Variants in NEGR1 observed in about 807,000 individuals in gnomAD.
NEGR1 encodes the protein neuronal growth regulator 1, also known as IgLON family member 4.
Under a neutral mutation model 40.9 loss-of-function variants are expected in NEGR1, and 10 were observed. The ratio of observed to expected loss-of-function variants is 0.24; its 90% CI spans 0.15 to 0.42. The LOEUF (loss-of-function observed/expected upper bound fraction) is 0.42, where lower values mean the gene tolerates loss of function less well. Among genes scored for constraint, NEGR1 ranks in the 10% least tolerant of loss-of-function variants. The pLI is 1.00. For missense variants in NEGR1, 352 were observed against 438.9 expected (o/e 0.80, Z 1.77); for synonymous variants, 185 against 166.8 (o/e 1.11, Z -0.84).
At chr1:72,171,355 T>C (rs1651957846) in intron 1 of NEGR1, among the ~76,000 whole-genome samples, 1 of 152,174 alleles carries the variant, frequency 6.6e-6, no homozygotes, top group Admixed American at 6.5e-5. Context: ...CAGACGCTCA[T>C]GGTGTAAGAG....
intron 4 of NEGR1, among the ~76,000 whole-genome samples, chr1:71,663,302 C>T (rs7538638): frequency 0.5 from 75,252 of 151,854 alleles, 18,683 homozygotes; most frequent in Middle Eastern, 0.56. Context: ...CTTGAAATAG[C>T]ATATTATTGC....
chr1:71,777,420 C>T (rs1656551507), intron 2 of NEGR1, among the ~76,000 whole-genome samples: 1 of 152,038 alleles, frequency 6.6e-6, no homozygotes, highest in Admixed American at 6.6e-5. Context: ...TTTAGTAGTG[C>T]TCTTTTCCTA....
At chr1:71,560,850 C>A (rs2101480290) in intron 6 of NEGR1, among the ~76,000 whole-genome samples, 1 of 151,448 alleles carries the variant, frequency 6.6e-6, no homozygotes, top group African/African-American at 2.4e-5. Context: ...TGCCTTCTAT[C>A]CCTCTGAAGG....
intron 1 of NEGR1, among the ~76,000 whole-genome samples, chr1:72,145,970 A>T (rs1201562150): frequency 2.0e-5 from 3 of 152,104 alleles, no homozygotes; most frequent in Non-Finnish European, 2.9e-5. Context: ...GTTAAAGGAC[A>T]TTATTGAGCA....
Position 71,940,021 on chromosome 1 carries a change from A to C in NEGR1, c.177-4710T>G, listed in dbSNP as rs551945458. ...GCTAGTATTTTTAGAGTCAGGCAGC[A>C]GCAAGTCAGGGGGACTACCTGTTTA... On this transcript the variant is annotated intron_variant, in intron 1 of 6. Transcript: ENST00000357731. Among the ~76,000 whole-genome samples the C allele has an allele frequency of 5.9e-5, 9 of 152,118 alleles. No individual in the cohort carries two copies. In the South Asian group the frequency reaches 1.0e-3, roughly 18 times the overall value.
intron 3 of NEGR1, among the ~76,000 whole-genome samples, chr1:71,705,143 G>A (rs896538862): frequency 1.3e-5 from 2 of 152,006 alleles, no homozygotes; most frequent in Non-Finnish European, 2.9e-5. Context: ...AATAACATCT[G>A]ACCTCATGCT....
chr1:71,861,703 G>T (rs1173514843), intron 2 of NEGR1, among the ~76,000 whole-genome samples: 1 of 152,040 alleles, frequency 6.6e-6, no homozygotes, highest in Non-Finnish European at 1.5e-5. Flanking sequence ...ATTAATTTTG[G>T]ATTATTACAG....
intron 2 of NEGR1, among the ~76,000 whole-genome samples, chr1:71,843,515 G>A (rs548184112): frequency 6.6e-6 from 1 of 152,210 alleles, no homozygotes; most frequent in South Asian, 2.1e-4. Flanking sequence ...GGTTGTCAAA[G>A]GCCAGGTCTG....
chr1:71,454,443 A>AT (rs201608503), intron 6 of NEGR1, among the ~76,000 whole-genome samples: 3,130 of 150,596 alleles, frequency 0.021, 52 homozygotes, highest in Admixed American at 0.036. Context: ...CTACTGTGAC[A>AT]TTTTTTTTTC....
intron 1 of NEGR1, among the ~76,000 whole-genome samples, chr1:71,997,276 C>G (rs1157326674): frequency 6.6e-6 from 1 of 152,020 alleles, no homozygotes; most frequent in Non-Finnish European, 1.5e-5. Context: ...GATTTCACTT[C>G]CAATTTACTT....
intron 1 of NEGR1, among the ~76,000 whole-genome samples, chr1:72,058,324 A>T (rs779353937): frequency 6.6e-6 from 1 of 151,724 alleles, no homozygotes; most frequent in East Asian, 1.9e-4. Flanking sequence ...AGAAAGACTG[A>T]CTTAATAATC....
intron 1 of NEGR1, among the ~76,000 whole-genome samples, chr1:72,251,366 G>C (rs1365446471): frequency 1.3e-5 from 2 of 152,004 alleles, no homozygotes; most frequent in East Asian, 1.9e-4. Context: ...AATTAAATTA[G>C]TATAAACATT....
At chr1:72,142,006 C>A (rs1246199686) in intron 1 of NEGR1, among the ~76,000 whole-genome samples, 2 of 151,960 alleles carry the variant, frequency 1.3e-5, no homozygotes, top group African/African-American at 4.8e-5. Flanking sequence ...AATGAAGTAG[C>A]TGCATGAACA....
chr1:71,688,016 A>G (rs1653094967), intron 4 of NEGR1, among the ~76,000 whole-genome samples: 1 of 151,852 alleles, frequency 6.6e-6, no homozygotes, highest in African/African-American at 2.4e-5. Context: ...TGCATATTTT[A>G]TATTTATTTA....
At chr1:72,179,033 A>G (rs1346641460) in intron 1 of NEGR1, among the ~76,000 whole-genome samples, 1 of 151,530 alleles carries the variant, frequency 6.6e-6, no homozygotes, top group African/African-American at 2.4e-5. Context: ...CCAATTTTAG[A>G]GGTTTTTTCA....
intron 4 of NEGR1, among the ~76,000 whole-genome samples, chr1:71,648,808 G>A (rs937441896): frequency 7.9e-5 from 12 of 151,950 alleles, no homozygotes; most frequent in African/African-American, 2.9e-4. Flanking sequence ...GCCTGGATTT[G>A]GAAACTTACA....
intron 6 of NEGR1, among the ~76,000 whole-genome samples, chr1:71,448,593 C>T (rs1480863903): frequency 6.6e-6 from 1 of 150,964 alleles, no homozygotes; most frequent in Non-Finnish European, 1.5e-5. Context: ...AGGGAGACTC[C>T]ATCTCAAAGA....
intron 3 of NEGR1, among the ~76,000 whole-genome samples, chr1:71,762,790 A>T (rs1369993225): frequency 1.3e-5 from 2 of 152,150 alleles, no homozygotes; most frequent in African/African-American, 2.4e-5. Context: ...CAGAATTGGA[A>T]AATAGAATGT....
At chr1:72,086,729 T>G (rs1648237098) in intron 1 of NEGR1, among the ~76,000 whole-genome samples, 2 of 152,210 alleles carry the variant, frequency 1.3e-5, no homozygotes, top group South Asian at 2.1e-4. Flanking sequence ...GTTAATAGAT[T>G]TATTTAAAAT....
Sources: gnomAD v4.1 joint callset for allele counts (sites outside exome capture counted in the v4.1 genomes callset) on GRCh38, gnomAD v4.1.1 for gene constraint, MANE v1.5 for transcripts, NCBI Gene and HGNC (gene_info 2026-07-23, HGNC 2026-07-21) for gene names.